The following ZNF536 variants were observed in gnomAD, a reference collection of about 807,000 sequenced individuals.
The protein encoded by ZNF536 is zinc finger protein 536.
Under a neutral mutation model 84.5 loss-of-function variants are expected in ZNF536, and 13 were observed. That is an observed-to-expected ratio of 0.15 (90% confidence interval 0.10 to 0.24). ZNF536 has a LOEUF of 0.24. Ranked by LOEUF, ZNF536 falls within the 10% of genes least tolerant of loss-of-function variation. The pLI, the probability that ZNF536 is intolerant of heterozygous loss-of-function variation, is 1.00. For missense variants in ZNF536, 1,536 were observed against 1,747.5 expected, an observed-to-expected ratio of 0.88 and a Z score of 2.16; for synonymous variants, 811 against 742.5, an observed-to-expected ratio of 1.09 and a Z score of -1.50.
At chr19:30,344,304 T>TAAACTGGGCGTGG (rs1460061348) in intron 2 of ZNF536, among the ~76,000 whole-genome samples, 1 of 66,248 alleles carries the variant, frequency 1.5e-5, no homozygotes, top group Admixed American at 1.9e-4. Context: ...CACAAATATA[T>TAAACTGGGCGTGG]TGGCGGCCTC....
chr19:30,675,148 G>A (rs559466035), intron 1 of ZNF536, among the ~76,000 whole-genome samples: 33 of 152,122 alleles, frequency 2.2e-4, no homozygotes, highest in Admixed American at 9.8e-4. Context: ...CTTGGAATCC[G>A]TTTGCCGCAC....
At chr19:30,622,875 C>A (rs1315269796) in intron 1 of ZNF536, among the ~76,000 whole-genome samples, 2 of 152,060 alleles carry the variant, frequency 1.3e-5, no homozygotes, top group Non-Finnish European at 2.9e-5. Context: ...TCCCTGACCT[C>A]CTGTATCCTC....
Position 30,585,176 on chromosome 19 carries a change from G to C in ZNF536, c.169+35662G>C, listed in dbSNP as rs10405094. On this transcript the variant is annotated intron_variant, in intron 1 of 1. Coordinates refer to the ZNF536 transcript ENST00000592773. ...ATACAGTCTTAAGCATTTTGAGAAG[G>C]CCCAAGAAATAGGCTAAGTTGATTC... Among the ~76,000 whole-genome samples, 583 of 152,152 alleles carry C rather than the reference G, an allele frequency of 3.8e-3. 6 individuals carry two copies. Among genetic ancestry groups the C allele is most frequent in the African/African-American group, 0.013 (550 of 41,512 alleles).
chr19:30,350,193 A>G (rs2047889580), intron 2 of ZNF536, among the ~76,000 whole-genome samples: 2 of 152,212 alleles, frequency 1.3e-5, no homozygotes, highest in Admixed American at 6.5e-5. Flanking sequence ...TCTAATGAAC[A>G]TATTTGCATG....
chr19:30,510,221 G>T (rs1038137254), intron 2 of ZNF536, among the ~76,000 whole-genome samples: 2 of 152,102 alleles, frequency 1.3e-5, no homozygotes, highest in African/African-American at 2.4e-5. Context: ...TATGAGAAAG[G>T]CATGTTCATT....
intron 2 of ZNF536, among the ~76,000 whole-genome samples, chr19:30,330,362 T>C (rs2047171330): frequency 6.6e-6 from 1 of 152,172 alleles, no homozygotes; most frequent in South Asian, 2.1e-4. Flanking sequence ...CACACTGGGT[T>C]ATGTGTCACT....
chr19:30,513,631 A>G (rs928475208), intron 2 of ZNF536, among the ~76,000 whole-genome samples: 3 of 152,178 alleles, frequency 2.0e-5, no homozygotes, highest in African/African-American at 7.2e-5. Context: ...GAAATGAACC[A>G]GGCTACAACA....
At chr19:30,534,483 T>C (rs183577560) in intron 2 of ZNF536, among the ~76,000 whole-genome samples, 261 of 152,276 alleles carry the variant, frequency 1.7e-3, no homozygotes, top group African/African-American at 6.1e-3. Context: ...CTACAGTGAG[T>C]CCATATTATA....
intron 1 of ZNF536, among the ~76,000 whole-genome samples, chr19:30,396,102 T>TA (rs1438994599): frequency 6.6e-6 from 1 of 152,192 alleles, no homozygotes; most frequent in South Asian, 2.1e-4. Flanking sequence ...CTCCCTGCCC[T>TA]AAAACTCCTC....
chr19:30,450,387 TAA>T (rs2052547722), intron 2 of ZNF536, among the ~76,000 whole-genome samples: 1 of 152,108 alleles, frequency 6.6e-6, no homozygotes. Context: ...AAACAGAAAG[TAA>T]AAGTTTCCAG....
intron 4 of ZNF536, among the ~76,000 whole-genome samples, 184 bp downstream of exon 4, chr19:30,549,698 A>G (rs189406137): frequency 1.3e-5 from 2 of 152,268 alleles, no homozygotes; most frequent in Admixed American, 6.5e-5. Flanking sequence ...AAGTTTTAGA[A>G]CTCATACTTT....
At chr19:30,464,198 C>T (rs1175396579) in intron 2 of ZNF536, among the ~76,000 whole-genome samples, 1 of 152,068 alleles carries the variant, frequency 6.6e-6, no homozygotes, top group South Asian at 2.1e-4. Flanking sequence ...TTTAGCTGAC[C>T]AAGTTCTATG....
At chr19:30,367,470 T>G (rs540233720), upstream of ZNF536, among the ~76,000 whole-genome samples, 1 of 152,336 alleles carries the variant, frequency 6.6e-6, no homozygotes, top group Admixed American at 6.5e-5. Flanking sequence ...TGGCTAGAAA[T>G]GCACCTGGAG....
At position 30,595,551 on chromosome 19, in the gene ZNF536, G is replaced by A. The variant is rs1017222745; in HGVS notation, c.169+46037G>A. Reference sequence around the variant, plus strand: ...AATCCTCCCACCTTGGCCTCCCAAAGCACTGGGATTACAGTGGTGAGCCAC... The same window carrying A: ...AATCCTCCCACCTTGGCCTCCCAAAACACTGGGATTACAGTGGTGAGCCAC... On this transcript the variant is annotated intron_variant, in intron 1 of 1. Coordinates refer to the ZNF536 transcript ENST00000592773. 1.5e-4 allele frequency among the ~76,000 whole-genome samples: 23 copies of A among 152,136 alleles called. 1 individual carries two copies. Among genetic ancestry groups the A allele is most frequent in the Admixed American group, 1.4e-3 (21 of 15,278 alleles).
intron 2 of ZNF536, among the ~76,000 whole-genome samples, chr19:30,459,887 C>T (rs2053053137): frequency 6.6e-6 from 1 of 152,120 alleles, no homozygotes; most frequent in Non-Finnish European, 1.5e-5. Flanking sequence ...TTAGTTCCTG[C>T]CCAACATGCC....
intron 2 of ZNF536, among the ~76,000 whole-genome samples, chr19:30,446,539 C>CT (rs1377223493): frequency 6.6e-6 from 1 of 152,048 alleles, no homozygotes; most frequent in Non-Finnish European, 1.5e-5. Flanking sequence ...CGCAGTCTCC[C>CT]TCCCCAAGCC....
At chr19:30,248,241 C>T (rs1297358845) in intron 1 of ZNF536, among the ~76,000 whole-genome samples, 50 of 74,586 alleles carry the variant, frequency 6.7e-4, no homozygotes, top group Non-Finnish European at 8.6e-4. Flanking sequence ...TTTTTTTTTG[C>T]GACAGAGTCT....
rs555579157 is a variant in ZNF536, at chr19:30,343,085, G to A, written c.-119-9283G>A. On this transcript the variant is annotated intron_variant, in intron 2 of 5. Coordinates refer to the ZNF536 transcript ENST00000585628. The stretch of plus-strand genomic sequence containing the variant: ...TCTTGTCTCCCCCACCCTCGGCCCG[G>A]TGGGGACAGCCTTGGGCCCCTGGAT... 6.6e-5 allele frequency among the ~76,000 whole-genome samples: 10 copies of A among 152,268 alleles called. No homozygotes were observed. In the East Asian group the frequency reaches 9.7e-4, roughly 15 times the overall value.
At chr19:30,309,213 G>C (rs1256231029) in intron 2 of ZNF536, among the ~76,000 whole-genome samples, 1 of 152,170 alleles carries the variant, frequency 6.6e-6, no homozygotes, top group Non-Finnish European at 1.5e-5. Flanking sequence ...CATCTTTCTG[G>C]TTGCTCTCTG....
Sources: gnomAD v4.1 joint callset for allele counts (sites outside exome capture counted in the v4.1 genomes callset) on GRCh38, gnomAD v4.1.1 for gene constraint, MANE v1.5 for transcripts, NCBI Gene and HGNC (gene_info 2026-07-23, HGNC 2026-07-21) for gene names.